Variants in ARHGEF19 observed in about 807,000 individuals in gnomAD.
ARHGEF19 encodes the protein Rho guanine nucleotide exchange factor 19, also known as Rho guanine nucleotide exchange factor (GEF) 19.
ARHGEF19 carries 92 observed loss-of-function variants against 87.6 expected under a neutral mutation model. That is an observed-to-expected ratio of 1.05 (90% CI 0.89 to 1.25). The LOEUF (loss-of-function observed/expected upper bound fraction) is 1.25. ARHGEF19 is among the 50% of genes most tolerant of loss of function. The pLI, the probability that ARHGEF19 is intolerant of heterozygous loss-of-function variation, is 0.00. For synonymous variants in ARHGEF19, 438 were observed against 446.2 expected, an observed-to-expected ratio of 0.98 and a Z score of 0.23; for missense variants, 1,054 against 1,051.8, an observed-to-expected ratio of 1.00 and a Z score of -0.03.
chr1:16,207,902 C>CGCCGCGG lies in ARHGEF19; in HGVS notation c.694+41_694+42insCCGCGGC. The CGCCGCGG allele has an allele frequency of 1.3e-6, 2 of 1,574,758 alleles. No individual in the cohort carries two copies. Among genetic ancestry groups the CGCCGCGG allele is most frequent in the Non-Finnish European group, 1.7e-6 (2 of 1,159,150 alleles). ...GGCATCGCCCACCCCCACCCCCACC[C>CGCCGCGG]GGCATCTGGCTGCCCTCAGGGCCCA... On this transcript the variant is annotated intron_variant, in intron 3 of 15. Transcript: ENST00000270747. This position sits in a 1 kb window ranked among gnomAD's most constrained non-coding sequence, Gnocchi z 4.0.
rs748133043 is a variant in ARHGEF19, at chr1:16,208,252, C to T, written c.413-27G>A. The stretch of plus-strand genomic sequence containing the variant: ...TAGGGTTGGGGGCAAGGAGTGAGAG[C>T]ACGGGCTGGGGTCTCCCCCAACCTC... On this transcript the variant is annotated intron_variant, in intron 2 of 15. Transcript: ENST00000270747. 3 of 1,602,980 alleles carry T rather than the reference C, an allele frequency of 1.9e-6. No individual in the cohort carries two copies. In the South Asian group the frequency reaches 3.3e-5, roughly 18 times the overall value.
At position 16,207,554 on chromosome 1, in the gene ARHGEF19, T is replaced by C. The variant is rs2081152278; in HGVS notation, c.842A>G (p.Asn281Ser). ...GAGGAATCGAGACTGGCGCCGCTCG[T>C]TGGTGCTCCTGGACCCCAAAGGCGG... ...EEPPLGSRST[N>S]ERRQSRFLLN... is the part of the protein sequence containing the mutation. Residue 281 changes from asparagine to serine, a missense_variant, in exon 5 of 16, where the codon AAC (asparagine) becomes AGC (serine). Coordinates refer to ENST00000270747, the MANE Select transcript of ARHGEF19 (RefSeq NM_153213.5). The surrounding 1 kb of genome is among the most constrained non-coding windows in gnomAD (Gnocchi z 4.0). 5 of 1,613,836 alleles carry C rather than the reference T, an allele frequency of 3.1e-6. No homozygotes were observed. In the East Asian group the frequency reaches 1.1e-4, roughly 36 times the overall value.
rs78571712 is a variant in ARHGEF19, at chr1:16,211,407, G to A, written c.-30+1095C>T. Among the ~76,000 whole-genome samples, 1,282 of 152,304 alleles carry A rather than the reference G, an allele frequency of 8.4e-3. 7 individuals carry two copies. Among genetic ancestry groups the A allele is most frequent in the Non-Finnish European group, 0.012 (822 of 68,026 alleles). ...GTATGCTGGGAGATTCTAGCACTTG[G>A]GTTCTGGAAGCTCCTGGAGGGCAGG... On this transcript the variant is annotated intron_variant, in intron 1 of 15. Transcript: ENST00000270747.
At position 16,209,042 on chromosome 1, in the gene ARHGEF19, G is replaced by T; in HGVS notation, c.13C>A (p.Pro5Thr). Residue 5 changes from proline (P) to threonine (T), a missense_variant, in exon 2 of 16, where the codon CCA (proline) becomes ACA (threonine). Transcript: ENST00000270747. Reference protein sequence around the residue: MDCGPPATLQPHLTG... With the variant: MDCGTPATLQPHLTG... ...AGGTGGGGCTGGAGGGTAGCAGGTG[G>T]CCCACAGTCCATTCCTCTTTTGCTC... The T allele has an allele frequency of 2.0e-6, 3 of 1,488,634 alleles. No individual in the cohort carries two copies. The highest frequency in any genetic ancestry group is 2.7e-6 in the Non-Finnish European group (3 of 1,120,910). 92.2% of individuals were successfully genotyped at this position (1,488,634 alleles called of 1,614,324 possible).
chr1:16,200,826 A>G (rs221036), intron 14 of ARHGEF19, among the ~76,000 whole-genome samples: 41,441 of 151,706 alleles, frequency 0.27, 5,850 homozygotes, highest in South Asian at 0.39. Context: ...ACTTGAACCC[A>G]GGAGGTGGAG....
intron 1 of ARHGEF19, among the ~76,000 whole-genome samples, chr1:16,211,228 A>G (rs1055604085): frequency 5.9e-5 from 9 of 152,216 alleles, no homozygotes; most frequent in African/African-American, 2.2e-4. Context: ...AGTGAGGCTG[A>G]GACACACATT....
At chr1:16,212,109 C>T (rs1557544791) in intron 1 of ARHGEF19, among the ~76,000 whole-genome samples, 1 of 152,156 alleles carries the variant, frequency 6.6e-6, no homozygotes, top group South Asian at 2.1e-4. Flanking sequence ...GGGCAGGGGC[C>T]GAGGAAAGTA....
At chr1:16,208,305 C>T in intron 2 of ARHGEF19, 80 bp from the exon 3 acceptor site, 1 of 1,492,036 alleles carries the variant, frequency 6.7e-7, no homozygotes, top group Non-Finnish European at 9.0e-7. Flanking sequence ...TGGCCCTGAG[C>T]ACCTGGGGAG....
chr1:16,202,271 T>G, intron 13 of ARHGEF19, 145 bp downstream of exon 13: 1 of 1,265,254 alleles, frequency 7.9e-7, no homozygotes, highest in Non-Finnish European at 1.1e-6. Context: ...CCTGCCCAAG[T>G]CAGGGAAGAG....
In ARHGEF19 at chr1:16,207,243, G is replaced by A; in HGVS notation, c.875-33C>T. The A allele has an allele frequency of 6.8e-7, 1 of 1,471,824 alleles. No homozygotes were observed. 91.2% of individuals were successfully genotyped at this position (1,471,824 alleles called of 1,614,324 possible). ...AAAGACGGGCGGGGGAGAGCGTGGG[G>A]CGCCCGCCAGCCCCTGCCCGGCTTT... is the stretch of plus-strand genomic sequence containing the variant. On this transcript the variant is annotated intron_variant, in intron 5 of 15. Coordinates refer to ENST00000270747, the MANE Select transcript of ARHGEF19 (RefSeq NM_153213.5). This position sits in a 1 kb window ranked among gnomAD's most constrained non-coding sequence, Gnocchi z 4.0.
chr1:16,211,323 T>TC (rs2100298149), intron 1 of ARHGEF19, among the ~76,000 whole-genome samples: 1 of 152,190 alleles, frequency 6.6e-6, no homozygotes, highest in African/African-American at 2.4e-5. Flanking sequence ...GACACAGAAG[T>TC]CCCACTTGCT....
chr1:16,207,875 T>A lies in ARHGEF19; in HGVS notation c.694+69A>T. On this transcript the variant is annotated intron_variant, in intron 3 of 15. Coordinates refer to ENST00000270747, the MANE Select transcript of ARHGEF19 (RefSeq NM_153213.5). This position sits in a 1 kb window ranked among gnomAD's most constrained non-coding sequence, Gnocchi z 4.0. ...CTGACGGCCTCAGGCGGCCGGTGAG[T>A]GGGCATCGCCCACCCCCACCCCCAC... is the stretch of plus-strand genomic sequence containing the variant. The A allele has an allele frequency of 6.3e-7, 1 of 1,582,692 alleles. No homozygotes were observed. The highest frequency in any genetic ancestry group is 1.4e-5 in the African/African-American group (1 of 73,316).
rs1045781662 is a variant in ARHGEF19 at position 16,198,356 on chromosome 1, T to C, written c.*231A>G. On this transcript the variant is annotated 3_prime_UTR_variant, in exon 16 of 16. Coordinates refer to ENST00000270747, the MANE Select transcript of ARHGEF19 (RefSeq NM_153213.5). The surrounding 1 kb of genome is among the most constrained non-coding windows in gnomAD (Gnocchi z 4.1). ...CAGTGATCACCTGTTATGGTCCCCA[T>C]GTCAGAGGAAGAAACTATCCTTGGC... 1 of 419,584 alleles carries C rather than the reference T, an allele frequency of 2.4e-6. No individual in the cohort carries two copies. Among genetic ancestry groups the C allele is most frequent in the Admixed American group, 4.0e-5 (1 of 24,770 alleles). 26.0% of individuals were successfully genotyped at this position (419,584 alleles called of 1,614,324 possible).
At chr1:16,210,052 C>A (rs896227048) in intron 1 of ARHGEF19, among the ~76,000 whole-genome samples, 3 of 152,250 alleles carry the variant, frequency 2.0e-5, no homozygotes, top group African/African-American at 7.2e-5. Context: ...GCCCTCCGAT[C>A]GGGGCAGGCC....
chr1:16,199,016 C>G (rs2081062437), intron 15 of ARHGEF19, 134 bp downstream of exon 15: 1 of 904,614 alleles, frequency 1.1e-6, no homozygotes, highest in South Asian at 1.6e-5. Context: ...AGTTCCTCCT[C>G]TCATCTAACC....
At chr1:16,204,193 C>T (rs2081104791) in intron 12 of ARHGEF19, among the ~76,000 whole-genome samples, 1 of 152,132 alleles carries the variant, frequency 6.6e-6, no homozygotes, top group Non-Finnish European at 1.5e-5. Context: ...TCCCATTCAC[C>T]TTATCCAGGT....
In ARHGEF19 at chr1:16,206,517, C is replaced by T. The variant is rs1260440962; in HGVS notation, c.1138-177G>A. 1.5e-6 allele frequency: 1 copy of T among 688,088 alleles called. No homozygotes were observed. Among genetic ancestry groups the T allele is most frequent in the South Asian group, 1.9e-5 (1 of 53,368 alleles). The allele number at this position is 688,088 out of a possible 1,614,324, so 42.6% of individuals were successfully genotyped here. A position where few individuals can be genotyped will look rare whatever the true frequency, so the allele number is the denominator to read the frequency against. On this transcript the variant is annotated intron_variant, in intron 6 of 15. Transcript: ENST00000270747. The surrounding 1 kb of genome is among the most constrained non-coding windows in gnomAD (Gnocchi z 4.6). ...CCACGTCCCGCCGCGGGAAATTGTG[C>T]AAGCCTTTCCTGTCCTCGATCCCGC...
At chr1:16,203,485 C>T (rs897951787) in intron 12 of ARHGEF19, among the ~76,000 whole-genome samples, 3 of 152,164 alleles carry the variant, frequency 2.0e-5, no homozygotes, top group African/African-American at 7.2e-5. Flanking sequence ...GACCCTCTGG[C>T]CTCTCCCCTT....
chr1:16,204,766 G>A lies in ARHGEF19; in HGVS notation c.1900C>T (p.Arg634Trp), dbSNP rs150370119. The A allele has an allele frequency of 1.6e-4, 250 of 1,597,824 alleles. No homozygotes were observed. The highest frequency in any genetic ancestry group is 3.6e-4 in the Admixed American group (21 of 58,838). The part of the protein sequence containing the change: ...LFNDCLLLSR[R>W]KELGKFAVFV... ...CTGACTGCCCCGACTCACTCCTTCCGCCGAGAGAGCAGCAAGCAGTCATTG... is the reference window on the plus strand; with the variant it reads ...CTGACTGCCCCGACTCACTCCTTCCACCGAGAGAGCAGCAAGCAGTCATTG... The change falls in exon 12 of 16, where the codon CGG becomes TGG. Residue 634 changes from arginine (R) to tryptophan (W), a missense_variant. Transcript: ENST00000270747.
Sources: allele counts gnomAD v4.1 joint callset (sites outside exome capture counted in the v4.1 genomes callset), GRCh38; gene constraint gnomAD v4.1.1; non-coding constraint Gnocchi (gnomAD v3.1); transcripts MANE v1.5; gene names NCBI Gene and HGNC (gene_info 2026-07-23, HGNC 2026-07-21).